TRPC7: variants seen among roughly 807,000 people sequenced by gnomAD.
TRPC7 encodes transient receptor potential cation channel subfamily C member 7.
Under a neutral mutation model 90.1 loss-of-function variants are expected in TRPC7, and 42 were observed. The ratio of observed to expected loss-of-function variants is 0.47; its 90% confidence interval spans 0.36 to 0.60. TRPC7 has a LOEUF of 0.60. TRPC7 is among the 20% of genes least tolerant of loss of function. The pLI is 0.00. For synonymous variants in TRPC7, 451 were observed against 436.3 expected (o/e 1.03, Z -0.42); for missense variants, 955 against 1,112.3 (o/e 0.86, Z 2.01).
intron 5 of TRPC7, among the ~76,000 whole-genome samples, chr5:136,262,526 T>C (rs1011072875): frequency 1.3e-5 from 2 of 152,232 alleles, no homozygotes; most frequent in Admixed American, 1.3e-4. Context: ...TGTGGATATT[T>C]ATTCAACTTA....
intron 5 of TRPC7, among the ~76,000 whole-genome samples, chr5:136,252,179 C>T (rs1561688506): frequency 6.6e-6 from 1 of 151,964 alleles, no homozygotes; most frequent in Non-Finnish European, 1.5e-5. Flanking sequence ...CATTTATACA[C>T]TTTAAGAACT....
intron 2 of TRPC7, among the ~76,000 whole-genome samples, chr5:136,334,589 C>T (rs191960595): frequency 2.6e-4 from 39 of 152,272 alleles, no homozygotes; most frequent in African/African-American, 8.4e-4. Flanking sequence ...TTTCTGTATC[C>T]CTGAGGAAAT....
chr5:136,353,280 C>T (rs893629397), intron 2 of TRPC7, among the ~76,000 whole-genome samples: 5 of 152,208 alleles, frequency 3.3e-5, no homozygotes, highest in African/African-American at 1.2e-4. Context: ...ATTAAAGTGA[C>T]TCCAAAAACA....
chr5:136,250,277 C>T (rs773747836), intron 6 of TRPC7, among the ~76,000 whole-genome samples: 4 of 152,340 alleles, frequency 2.6e-5, no homozygotes, highest in Non-Finnish European at 4.4e-5. Flanking sequence ...ACACTGAAAA[C>T]GGGCAGTTAC....
chr5:136,338,996 G>A (rs1222777657), intron 2 of TRPC7, among the ~76,000 whole-genome samples: 1 of 152,006 alleles, frequency 6.6e-6, no homozygotes, highest in African/African-American at 2.4e-5. Flanking sequence ...GGGGTTTGAT[G>A]GGGAAATGAG....
chr5:136,214,468 T>C (rs1168715014), intron 11 of TRPC7: 1 of 152,214 alleles, frequency 6.6e-6, no homozygotes, highest in Admixed American at 6.5e-5. Flanking sequence ...AAGGTACAGT[T>C]TGATCCATTT....
At chr5:136,361,629 T>C (rs1294098646) in intron 1 of TRPC7, among the ~76,000 whole-genome samples, 1 of 152,184 alleles carries the variant, frequency 6.6e-6, no homozygotes, top group African/African-American at 2.4e-5. Context: ...AGATATTTGT[T>C]GTCTCTTTTC....
At position 136,251,653 on chromosome 5, in the gene TRPC7, G is replaced by C. The variant is rs762349765; in HGVS notation, c.1575C>G (p.Thr525=). 10 of 1,603,664 alleles carry C rather than the reference G, an allele frequency of 6.2e-6. No homozygotes were observed. The South Asian group carries it at 8.9e-5, about 14-fold the overall frequency. Residue 525 remains threonine, a synonymous_variant, in exon 6 of 12, where the codon ACC becomes ACG. Transcript: ENST00000513104. ...GGGAAGCACTCTCCGACTCACCGTA[G>C]GTGAAGTATGCCACTTCCGGCGGAA... ...VSLPPEVAYF[T]YARDKWWPSD... is the part of the protein sequence containing the mutation.
At chr5:136,344,315 C>T (rs1035868037) in intron 2 of TRPC7, among the ~76,000 whole-genome samples, 21 of 152,198 alleles carry the variant, frequency 1.4e-4, no homozygotes, top group African/African-American at 3.4e-4. Context: ...AACTACCTAT[C>T]GGGTAGTTTT....
chr5:136,251,838 G>A lies in TRPC7; in HGVS notation c.1390C>T (p.Arg464Trp), dbSNP rs1226362904. The A allele has an allele frequency of 2.5e-6, 4 of 1,613,852 alleles. No homozygotes were observed. Among genetic ancestry groups the A allele is most frequent in the Non-Finnish European group, 8.5e-7 (1 of 1,179,890 alleles). Residue 464 changes from arginine (R) to tryptophan (W), a missense_variant, in exon 6 of 12, where the codon CGG (arginine) becomes TGG (tryptophan). Physicochemically the swap from Arg to Trp is moderately radical, Grantham distance 101 (BLOSUM62 -3). Transcript: ENST00000513104. ...TTCCACAAGTGCAGCACGTACTCCC[G>A]TGGCCCCTCCTCCCAGATTTCCTTG... ...ECKEIWEEGP[R>W]EYVLHLWNLL...
intron 6 of TRPC7, among the ~76,000 whole-genome samples, chr5:136,250,861 A>G (rs1756495959): frequency 6.6e-6 from 1 of 152,176 alleles, no homozygotes; most frequent in African/African-American, 2.4e-5. Context: ...CATAACCACT[A>G]TGCTATTCAG....
At chr5:136,287,753 G>A (rs1248689777) in intron 3 of TRPC7, among the ~76,000 whole-genome samples, 1 of 117,674 alleles carries the variant, frequency 8.5e-6, no homozygotes, top group Non-Finnish European at 1.7e-5. Flanking sequence ...AACCTCTGTT[G>A]AATGAATAAG....
chr5:136,287,534 T>G (rs1419867210), intron 3 of TRPC7, among the ~76,000 whole-genome samples: 1 of 151,130 alleles, frequency 6.6e-6, no homozygotes, highest in Non-Finnish European at 1.5e-5. Flanking sequence ...ATGACAAGGG[T>G]CTTCTTTGTG....
chr5:136,287,736 A>C (rs868729294), intron 3 of TRPC7, among the ~76,000 whole-genome samples: 11 of 144,510 alleles, frequency 7.6e-5, no homozygotes, highest in South Asian at 6.7e-4. Context: ...AAAACCCAGA[A>C]AAAAAAAACC....
rs187085540 is a variant in TRPC7 at position 136,350,312 on chromosome 5, T to G, written c.780+6296A>C. ...CCTCCTCGCTGTCCACTTCTCAGCCTCAAGGAGATGAAGCATGGTGCAATG... is the reference window on the plus strand; with the variant it reads ...CCTCCTCGCTGTCCACTTCTCAGCCGCAAGGAGATGAAGCATGGTGCAATG... On this transcript the variant is annotated intron_variant, in intron 2 of 11. Transcript: ENST00000513104. Among the ~76,000 whole-genome samples, 4 of 152,308 alleles carry G rather than the reference T, an allele frequency of 2.6e-5. No homozygotes were observed. The East Asian group carries it at 7.7e-4, about 29-fold the overall frequency.
intron 3 of TRPC7, among the ~76,000 whole-genome samples, chr5:136,298,848 C>A (rs1758271266): frequency 6.6e-6 from 1 of 152,130 alleles, no homozygotes; most frequent in African/African-American, 2.4e-5. Flanking sequence ...CTTGCAAAAA[C>A]AAATAAAAAC....
intron 5 of TRPC7, among the ~76,000 whole-genome samples, chr5:136,260,727 T>A (rs1342659543): frequency 1.3e-5 from 2 of 152,062 alleles, no homozygotes; most frequent in Admixed American, 6.5e-5. Context: ...TTTAAATGGA[T>A]CACTCTAGCT....
chr5:136,243,999 C>G (rs1367001906), intron 7 of TRPC7, among the ~76,000 whole-genome samples: 1 of 152,128 alleles, frequency 6.6e-6, no homozygotes, highest in Non-Finnish European at 1.5e-5. Context: ...TTCCCCATCA[C>G]TCTTCCTAAT....
At chr5:136,303,337 C>T (rs1017524113) in intron 3 of TRPC7, among the ~76,000 whole-genome samples, 2 of 152,172 alleles carry the variant, frequency 1.3e-5, no homozygotes, top group Non-Finnish European at 1.5e-5. Context: ...CTGCTCCTGA[C>T]ATTAAATAAA....
Sources: gnomAD v4.1 joint callset for allele counts (sites outside exome capture counted in the v4.1 genomes callset) on GRCh38, gnomAD v4.1.1 for gene constraint, MANE v1.5 for transcripts, NCBI Gene and HGNC (gene_info 2026-07-23, HGNC 2026-07-21) for gene names.